Variants in ARFGEF3 observed in about 807,000 individuals in gnomAD.
The protein encoded by ARFGEF3 is ARFGEF family member 3.
Under a neutral mutation model 221.7 loss-of-function variants are expected in ARFGEF3, and 96 were observed. That is an observed-to-expected ratio of 0.43 (90% CI 0.37 to 0.51). ARFGEF3 has a LOEUF of 0.51. ARFGEF3 is among the 20% of genes least tolerant of loss of function. ARFGEF3 has a pLI of 0.00. For synonymous variants in ARFGEF3, 1,145 were observed against 1,126.8 expected (o/e 1.02, Z -0.32); for missense variants, 2,410 against 2,789.9 (o/e 0.86, Z 3.07).
chr6:138,234,584 A>G (rs1778250723), intron 5 of ARFGEF3, among the ~76,000 whole-genome samples: 1 of 152,012 alleles, frequency 6.6e-6, no homozygotes, highest in Non-Finnish European at 1.5e-5. Flanking sequence ...GGAAGGAGAG[A>G]ATAAGGAATA....
chr6:138,218,433 A>G (rs1203225459), intron 4 of ARFGEF3: 38 of 1,486,690 alleles, frequency 2.6e-5, no homozygotes, highest in Non-Finnish European at 3.3e-5. Context: ...TCTGTAGCAT[A>G]GAAGAATAAT....
chr6:138,223,103 G>A (rs1057318773), intron 4 of ARFGEF3, among the ~76,000 whole-genome samples: 2 of 152,140 alleles, frequency 1.3e-5, no homozygotes, highest in Non-Finnish European at 1.5e-5. Context: ...TTTCATGGTC[G>A]AGGTACACTT....
intron 15 of ARFGEF3, among the ~76,000 whole-genome samples, chr6:138,286,461 AAAAAAG>A (rs1013860140): frequency 7.2e-5 from 11 of 152,146 alleles, no homozygotes; most frequent in South Asian, 4.2e-4. Context: ...AAAAAAAAAA[AAAAAAG>A]AAAAAGAAAA....
intron 4 of ARFGEF3, chr6:138,218,178 A>G (rs6927706): frequency 0.086 from 139,204 of 1,613,830 alleles, 8,828 homozygotes; most frequent in East Asian, 0.36. Flanking sequence ...TGACTGTTCT[A>G]TGGAATAATC....
intron 2 of ARFGEF3, among the ~76,000 whole-genome samples, chr6:138,177,270 G>C (rs536726129): frequency 1.3e-5 from 2 of 148,260 alleles, no homozygotes; most frequent in African/African-American, 5.0e-5. Flanking sequence ...TGTATTTTTT[G>C]TTTGTTTGTT....
chr6:138,207,697 A>C (rs1011252594), intron 3 of ARFGEF3, among the ~76,000 whole-genome samples: 1 of 152,200 alleles, frequency 6.6e-6, no homozygotes, highest in African/African-American at 2.4e-5. Flanking sequence ...TGATGGTAAA[A>C]AGGTGATGAC....
intron 11 of ARFGEF3, among the ~76,000 whole-genome samples, chr6:138,262,265 C>G (rs886830293): frequency 6.6e-6 from 1 of 150,724 alleles, no homozygotes; most frequent in Non-Finnish European, 1.5e-5. Context: ...TCTCGGCTCA[C>G]TGCAACCTCT....
chr6:138,239,144 G>A (rs371523889), intron 6 of ARFGEF3, among the ~76,000 whole-genome samples: 17 of 152,224 alleles, frequency 1.1e-4, no homozygotes, highest in African/African-American at 4.1e-4. Context: ...TGAACAGATT[G>A]TCTAAAGTGA....
At chr6:138,320,367 A>G (rs540965667) in intron 28 of ARFGEF3, among the ~76,000 whole-genome samples, 1 of 152,274 alleles carries the variant, frequency 6.6e-6, no homozygotes, top group South Asian at 2.1e-4. Flanking sequence ...ATTTCTTAAT[A>G]TTGATGGCAC....
At chr6:138,226,013 CACACCA>C in intron 4 of ARFGEF3, among the ~76,000 whole-genome samples, 1 of 152,300 alleles carries the variant, frequency 6.6e-6, no homozygotes, top group South Asian at 2.1e-4. Context: ...GACAAAGTCA[CACACCA>C]ATTAAACACC....
rs755361009 is a variant in ARFGEF3, at chr6:138,324,046, C to T, written c.4893C>T (p.Ser1631=). 1.2e-5 allele frequency: 20 copies of T among 1,613,640 alleles called. No individual in the cohort carries two copies. Among genetic ancestry groups the T allele is most frequent in the South Asian group, 5.5e-5 (5 of 91,066 alleles). Residue 1631 remains serine, a synonymous_variant, in exon 31 of 34, where the codon AGC becomes AGT. Coordinates refer to ENST00000251691, the MANE Select transcript of ARFGEF3 (RefSeq NM_020340.5). ...AGGACCTGCTGGGCTGCTTCCACAG[C>T]GGCACGGAGAGCTTCAGCGGGGAAG... is the stretch of plus-strand genomic sequence containing the variant. The part of the protein sequence containing the change: ...PVKDLLGCFH[S]GTESFSGEGC...
chr6:138,168,863 A>G (rs77474491), intron 1 of ARFGEF3, among the ~76,000 whole-genome samples: 4,268 of 152,212 alleles, frequency 0.028, 90 homozygotes, highest in African/African-American at 0.057. Flanking sequence ...GGCGTTTATC[A>G]TGCTTTGAAA....
chr6:138,272,312 C>T lies in ARFGEF3; in HGVS notation c.2129-6139C>T, dbSNP rs1009907253. ...CTGGGATTACAGGCGTCCGCCACCACGCCTGGCTAATTTTTTGTATTTTGA... is the reference window on the plus strand; with the variant it reads ...CTGGGATTACAGGCGTCCGCCACCATGCCTGGCTAATTTTTTGTATTTTGA... On this transcript the variant is annotated intron_variant, in intron 12 of 33. Transcript: ENST00000251691. 9.2e-5 allele frequency among the ~76,000 whole-genome samples: 14 copies of T among 152,218 alleles called. No individual in the cohort carries two copies. The South Asian group carries it at 1.9e-3, about 20-fold the overall frequency.
At chr6:138,277,873 A>T (rs970231555) in intron 12 of ARFGEF3, among the ~76,000 whole-genome samples, 1 of 152,228 alleles carries the variant, frequency 6.6e-6, no homozygotes, top group Non-Finnish European at 1.5e-5. Context: ...TTGCTATTTA[A>T]TAATGGAATT....
Position 138,334,934 on chromosome 6 carries a change from A to G in ARFGEF3, c.6088A>G (p.Lys2030Glu). 1 of 1,589,434 alleles carries G rather than the reference A, an allele frequency of 6.3e-7. No homozygotes were observed. Among genetic ancestry groups the G allele is most frequent in the Admixed American group, 1.8e-5 (1 of 55,588 alleles). ...CATTTCAAAGTTGATGACCGAATAC[A>G]AAAAGAGGAAACAGCAGCACAACCT... ...KTISKLMTEYKKRKQQHNLSA... is the reference protein window; with the variant it reads ...KTISKLMTEYEKRKQQHNLSA... Residue 2030 changes from lysine to glutamate, a missense_variant, in exon 33 of 34, where the codon AAA becomes GAA. Transcript: ENST00000251691. This position sits in a 1 kb window ranked among gnomAD's most constrained non-coding sequence, Gnocchi z 5.1.
At chr6:138,327,844 C>T (rs1780154102) in intron 31 of ARFGEF3, among the ~76,000 whole-genome samples, 177 bp from the exon 32 acceptor site, 1 of 152,150 alleles carries the variant, frequency 6.6e-6, no homozygotes, top group Non-Finnish European at 1.5e-5. Context: ...TGTTCTAATG[C>T]TTTGCATATG....
chr6:138,264,634 T>G (rs1488146124), intron 12 of ARFGEF3, among the ~76,000 whole-genome samples: 1 of 152,232 alleles, frequency 6.6e-6, no homozygotes, highest in Non-Finnish European at 1.5e-5. Context: ...CATGTGTTAA[T>G]GCATCCACCA....
At position 138,334,270 on chromosome 6, in the gene ARFGEF3, C is replaced by G. The variant is rs41289779; in HGVS notation, c.5424C>G (p.Arg1808=). 3.0e-3 allele frequency: 4,904 copies of G among 1,613,742 alleles called. 14 individuals are homozygous for G. Among genetic ancestry groups the G allele is most frequent in the Non-Finnish European group, 3.8e-3 (4,454 of 1,179,804 alleles). The change falls in exon 33 of 34, where the codon CGC becomes CGG. Residue 1808 remains arginine, a synonymous_variant. Coordinates refer to ENST00000251691, the MANE Select transcript of ARFGEF3 (RefSeq NM_020340.5). The surrounding 1 kb of genome is among the most constrained non-coding windows in gnomAD (Gnocchi z 5.1). The part of the protein sequence containing the change: ...SGIGGAANLY[R]QSAMSFNIYF... ...TCGGGGGCGCCGCCAACCTCTACCG[C>G]CAGTCTGCGATGAGCTTTAACATTT...
chr6:138,322,537 T>C (rs1780050580), intron 29 of ARFGEF3, among the ~76,000 whole-genome samples: 1 of 151,930 alleles, frequency 6.6e-6, no homozygotes, highest in African/African-American at 2.4e-5. Flanking sequence ...TAAAAAATAA[T>C]GGGATTCTCA....
Sources: gnomAD v4.1 joint callset for allele counts (sites outside exome capture counted in the v4.1 genomes callset) on GRCh38, gnomAD v4.1.1 for gene constraint, Gnocchi (gnomAD v3.1) non-coding constraint, MANE v1.5 for transcripts, NCBI Gene and HGNC (gene_info 2026-07-23, HGNC 2026-07-21) for gene names.